STT3B: variants seen among roughly 807,000 people sequenced by gnomAD.
The protein encoded by STT3B is dolichyl-diphosphooligosaccharide--protein glycosyltransferase subunit STT3B.
STT3B carries 29 observed loss-of-function variants against 96.8 expected under a neutral mutation model. That is an observed-to-expected ratio of 0.30 (90% CI 0.22 to 0.41). The LOEUF is 0.41. STT3B is among the 10% of genes least tolerant of loss of function. The probability of loss-of-function intolerance (pLI) is 1.00; values close to 1 mark genes in which losing one functional copy is unlikely to be tolerated. For missense variants in STT3B, 640 were observed against 1,022.3 expected (o/e 0.63, Z 5.10); for synonymous variants, 367 against 360.0 (o/e 1.02, Z -0.22).
chr3:31,623,269 G>A (rs779336841), intron 10 of STT3B, among the ~76,000 whole-genome samples: 1 of 152,062 alleles, frequency 6.6e-6, no homozygotes, highest in Non-Finnish European at 1.5e-5. Context: ...ATACTAAAGT[G>A]GTACATGGTC....
At chr3:31,544,544 G>A (rs149326166) in intron 1 of STT3B, among the ~76,000 whole-genome samples, 1,710 of 152,282 alleles carry the variant, frequency 0.011, 31 homozygotes, top group African/African-American at 0.038. Flanking sequence ...ACAGTATGCT[G>A]TAATGATCTC....
At chr3:31,592,144 G>A (rs1698679508) in intron 3 of STT3B, among the ~76,000 whole-genome samples, 1 of 151,850 alleles carries the variant, frequency 6.6e-6, no homozygotes, top group Admixed American at 6.6e-5. Flanking sequence ...TCCGCCCCTG[G>A]CACCACCATT....
chr3:31,548,686 G>A (rs1198092875), intron 1 of STT3B, among the ~76,000 whole-genome samples: 1 of 151,946 alleles, frequency 6.6e-6, no homozygotes, highest in South Asian at 2.1e-4. Context: ...TCTCTGCTCC[G>A]TCATTAGTTT....
chr3:31,582,213 C>T (rs1698420904), intron 3 of STT3B, among the ~76,000 whole-genome samples: 1 of 151,604 alleles, frequency 6.6e-6, no homozygotes, highest in Admixed American at 6.6e-5. Context: ...AGCAAGCACT[C>T]TATTTTATCT....
intron 1 of STT3B, among the ~76,000 whole-genome samples, chr3:31,558,606 G>C (rs754141641): frequency 2.6e-5 from 4 of 152,202 alleles, no homozygotes; most frequent in Admixed American, 6.5e-5. Flanking sequence ...TTGCATCTGT[G>C]TTCATCAAGG....
chr3:31,629,619 T>C (rs984205542), intron 14 of STT3B, among the ~76,000 whole-genome samples: 3 of 152,188 alleles, frequency 2.0e-5, no homozygotes, highest in Non-Finnish European at 2.9e-5. Flanking sequence ...GACTTCTTTC[T>C]AACATATTTA....
intron 11 of STT3B, 94 bp downstream of exon 11, chr3:31,623,955 G>C: frequency 9.1e-7 from 1 of 1,099,752 alleles, no homozygotes; most frequent in Non-Finnish European, 1.3e-6. Context: ...TGTTGTTTGT[G>C]AGATTCTGCA....
intron 5 of STT3B, among the ~76,000 whole-genome samples, chr3:31,611,227 A>G (rs1268767254): frequency 2.6e-5 from 4 of 152,148 alleles, no homozygotes; most frequent in South Asian, 2.1e-4. Flanking sequence ...AAGAGATCTT[A>G]AGTTTTATAG....
intron 1 of STT3B, among the ~76,000 whole-genome samples, chr3:31,550,315 T>G (rs1483892548): frequency 2.6e-5 from 4 of 152,192 alleles, no homozygotes; most frequent in Non-Finnish European, 4.4e-5. Context: ...TTCAAGACAT[T>G]TTTGCAGCCT....
At chr3:31,538,617 G>T (rs1196797011) in intron 1 of STT3B, among the ~76,000 whole-genome samples, 1 of 152,126 alleles carries the variant, frequency 6.6e-6, no homozygotes, top group African/African-American at 2.4e-5. Flanking sequence ...AGAGGTAATG[G>T]TTTAGCTTTA....
chr3:31,555,283 CT>C (rs1224206463), intron 1 of STT3B, among the ~76,000 whole-genome samples: 1 of 152,118 alleles, frequency 6.6e-6, no homozygotes, highest in African/African-American at 2.4e-5. Flanking sequence ...TTCAAATCCT[CT>C]TGTTATTCTT....
chr3:31,629,196 A>G (rs1699602177), intron 13 of STT3B, 102 bp from the exon 14 acceptor site: 1 of 703,402 alleles, frequency 1.4e-6, no homozygotes, highest in South Asian at 1.7e-5. Context: ...CTTTATAAAG[A>G]TACCTCAGAA....
At chr3:31,542,154 C>T (rs185384701) in intron 1 of STT3B, among the ~76,000 whole-genome samples, 3 of 152,234 alleles carry the variant, frequency 2.0e-5, no homozygotes, top group Admixed American at 1.3e-4. Context: ...AGAGAGACAT[C>T]GTCTTTAAGG....
intron 3 of STT3B, among the ~76,000 whole-genome samples, chr3:31,580,648 T>C (rs1698363463): frequency 6.6e-6 from 1 of 152,144 alleles, no homozygotes; most frequent in African/African-American, 2.4e-5. Flanking sequence ...TTTTATTAAG[T>C]ATATTTTTAG....
chr3:31,569,905 A>G (rs1396954366), intron 1 of STT3B, among the ~76,000 whole-genome samples: 2 of 151,968 alleles, frequency 1.3e-5, no homozygotes, highest in Non-Finnish European at 2.9e-5. Flanking sequence ...AATCATATAA[A>G]TTTTATAAGT....
At chr3:31,561,305 A>G (rs1034719706) in intron 1 of STT3B, among the ~76,000 whole-genome samples, 1 of 151,780 alleles carries the variant, frequency 6.6e-6, no homozygotes, top group Admixed American at 6.6e-5. Context: ...TGGGTACATG[A>G]TAAGTATGTA....
intron 1 of STT3B, 113 bp downstream of exon 1, chr3:31,533,425 C>T (rs966545637): frequency 2.3e-5 from 29 of 1,245,208 alleles, no homozygotes; most frequent in Non-Finnish European, 2.7e-5. Flanking sequence ...GAGCCCCGCT[C>T]GCGTCCTGGC....
At chr3:31,619,890 ATTTAC>A (rs1575444831) in intron 9 of STT3B, 60 bp downstream of exon 9, 2 of 1,550,732 alleles carry the variant, frequency 1.3e-6, no homozygotes, top group Non-Finnish European at 1.7e-6. Flanking sequence ...TTTTGAGATT[ATTTAC>A]TTTAAATTTT....
chr3:31,602,195 CAAAT>C (rs1195346726), intron 5 of STT3B, among the ~76,000 whole-genome samples: 4 of 152,106 alleles, frequency 2.6e-5, no homozygotes, highest in African/African-American at 9.7e-5. Context: ...CTCGTTTAAA[CAAAT>C]AACCGTACTG....
Sources: gnomAD v4.1 joint callset for allele counts (sites outside exome capture counted in the v4.1 genomes callset) on GRCh38, gnomAD v4.1.1 for gene constraint, MANE v1.5 for transcripts, NCBI Gene and HGNC (gene_info 2026-07-23, HGNC 2026-07-21) for gene names.